SLC24A3: variants seen among roughly 807,000 people sequenced by gnomAD.
The protein encoded by SLC24A3 is solute carrier family 24 member 3.
A neutral mutation model predicts 75.8 loss-of-function variants in SLC24A3; 28 were observed. The ratio of observed to expected loss-of-function variants is 0.37; its 90% CI spans 0.27 to 0.51. The LOEUF (loss-of-function observed/expected upper bound fraction) is 0.51, where lower values mean the gene tolerates loss of function less well. Ranked by LOEUF, SLC24A3 falls within the 20% of genes least tolerant of loss-of-function variation. The pLI is 0.94. For synonymous variants in SLC24A3, 372 were observed against 334.1 expected (o/e 1.11, Z -1.24); for missense variants, 663 against 847.8 (o/e 0.78, Z 2.71).
chr20:19,334,807 C>T (rs892583068), intron 2 of SLC24A3, among the ~76,000 whole-genome samples: 1 of 152,194 alleles, frequency 6.6e-6, no homozygotes. Flanking sequence ...TCCCACCTGC[C>T]ATTCGCTGAG....
At chr20:19,473,441 G>A (rs1354832751) in intron 2 of SLC24A3, among the ~76,000 whole-genome samples, 1 of 152,250 alleles carries the variant, frequency 6.6e-6, no homozygotes, top group Non-Finnish European at 1.5e-5. Context: ...TAGTGGTGGT[G>A]GCGGTGGTAA....
At chr20:19,579,708 G>A (rs2031191860) in intron 3 of SLC24A3, among the ~76,000 whole-genome samples, 1 of 152,214 alleles carries the variant, frequency 6.6e-6, no homozygotes, top group African/African-American at 2.4e-5. Flanking sequence ...GGATATCTTG[G>A]GGCAGAGTGT....
At chr20:19,524,043 G>T (rs1053946175) in intron 3 of SLC24A3, among the ~76,000 whole-genome samples, 13 of 152,204 alleles carry the variant, frequency 8.5e-5, no homozygotes, top group Admixed American at 3.3e-4. Context: ...GTTCCCTCTC[G>T]CTTCAGCTGG....
chr20:19,263,504 TGA>T (rs1468694649), intron 1 of SLC24A3, among the ~76,000 whole-genome samples: 19 of 152,134 alleles, frequency 1.2e-4, no homozygotes, highest in Non-Finnish European at 4.4e-5. Context: ...GGGATGAGAG[TGA>T]GAGAGGCGTT....
At chr20:19,655,970 T>TG (rs1261718352) in intron 7 of SLC24A3, among the ~76,000 whole-genome samples, 1 of 152,166 alleles carries the variant, frequency 6.6e-6, no homozygotes, top group African/African-American at 2.4e-5. Context: ...CAGCCCTCAC[T>TG]GGCTCTCATG....
intron 2 of SLC24A3, among the ~76,000 whole-genome samples, chr20:19,410,576 G>T (rs1413023673): frequency 1.3e-5 from 2 of 152,086 alleles, no homozygotes; most frequent in Non-Finnish European, 2.9e-5. Context: ...CTTCATCCCT[G>T]GTTGGGTTGA....
Position 19,695,594 on chromosome 20 carries a change from G to A in SLC24A3, c.1492-1203G>A, listed in dbSNP as rs181106411. 3.3e-5 allele frequency: 5 copies of A among 152,304 alleles called. No individual in the cohort carries two copies. In the East Asian group the frequency reaches 7.7e-4, roughly 24 times the overall value. 9.4% of individuals were successfully genotyped at this position (152,304 alleles called of 1,614,324 possible). On this transcript the variant is annotated intron_variant, in intron 13 of 16. Coordinates refer to ENST00000328041, the MANE Select transcript of SLC24A3 (RefSeq NM_020689.4). ...TGTGTGATGGAAGTGACGAAGTCCTGACTTTAGTGTATCCATGACTGAAAT... is the reference window on the plus strand; with the variant it reads ...TGTGTGATGGAAGTGACGAAGTCCTAACTTTAGTGTATCCATGACTGAAAT...
At chr20:19,656,150 T>G (rs758753236) in intron 7 of SLC24A3, among the ~76,000 whole-genome samples, 1 of 152,250 alleles carries the variant, frequency 6.6e-6, no homozygotes, top group Non-Finnish European at 1.5e-5. Context: ...AGATTTTCCC[T>G]GCGGAACCAG....
chr20:19,698,798 AG>A, intron 15 of SLC24A3, 118 bp downstream of exon 15: 1 of 751,764 alleles, frequency 1.3e-6, no homozygotes, highest in Non-Finnish European at 2.2e-6. Context: ...CGTAATATTG[AG>A]GGGGAAACAA....
At chr20:19,442,767 C>T (rs1987317211) in intron 2 of SLC24A3, among the ~76,000 whole-genome samples, 1 of 152,052 alleles carries the variant, frequency 6.6e-6, no homozygotes, top group African/African-American at 2.4e-5. Context: ...AAATCATCAC[C>T]AAACCCAAGG....
intron 2 of SLC24A3, among the ~76,000 whole-genome samples, chr20:19,296,586 C>T (rs1984065726): frequency 1.3e-5 from 2 of 151,288 alleles, no homozygotes; most frequent in East Asian, 2.0e-4. Flanking sequence ...ACAGGAGCAC[C>T]CAGATTCATA....
At chr20:19,581,329 G>A (rs569634718) in intron 4 of SLC24A3, among the ~76,000 whole-genome samples, 5 of 152,132 alleles carry the variant, frequency 3.3e-5, no homozygotes, top group Non-Finnish European at 7.4e-5. Flanking sequence ...TTCATGCAGA[G>A]CAAAACAACT....
At chr20:19,471,361 T>C (rs1167847179) in intron 2 of SLC24A3, among the ~76,000 whole-genome samples, 3 of 152,200 alleles carry the variant, frequency 2.0e-5, no homozygotes, top group Non-Finnish European at 2.9e-5. Context: ...TTAACGAATA[T>C]ACTATCAAAA....
chr20:19,495,149 T>G (rs1410205793), intron 2 of SLC24A3, among the ~76,000 whole-genome samples: 2 of 152,170 alleles, frequency 1.3e-5, no homozygotes, highest in Non-Finnish European at 2.9e-5. Context: ...CATTTCTGGG[T>G]GAGGTTGCAT....
At chr20:19,409,784 T>C (rs1986711707) in intron 2 of SLC24A3, among the ~76,000 whole-genome samples, 1 of 151,928 alleles carries the variant, frequency 6.6e-6, no homozygotes, top group South Asian at 2.1e-4. Context: ...TAAAAAACTA[T>C]ACACAGTTAT....
chr20:19,542,352 C>T (rs2030514321), intron 3 of SLC24A3, among the ~76,000 whole-genome samples: 1 of 152,202 alleles, frequency 6.6e-6, no homozygotes, highest in South Asian at 2.1e-4. Context: ...TCTGGACTTC[C>T]TCTTCATTAG....
chr20:19,624,900 C>G (rs1489682086), intron 6 of SLC24A3, among the ~76,000 whole-genome samples: 1 of 152,106 alleles, frequency 6.6e-6, no homozygotes, highest in East Asian at 1.9e-4. Flanking sequence ...CTTAAAACAA[C>G]AAATTTTATA....
chr20:19,482,847 C>G (rs761221), intron 2 of SLC24A3, among the ~76,000 whole-genome samples: 1 of 152,054 alleles, frequency 6.6e-6, no homozygotes, highest in East Asian at 1.9e-4. Context: ...CACAAGCACA[C>G]GGTTCAGTCA....
chr20:19,463,807 T>A (rs1246613100), intron 2 of SLC24A3, among the ~76,000 whole-genome samples: 1 of 152,210 alleles, frequency 6.6e-6, no homozygotes, highest in Non-Finnish European at 1.5e-5. Context: ...GGGCTCCCCC[T>A]GGCTAGGCTG....
Sources: allele counts gnomAD v4.1 joint callset (sites outside exome capture counted in the v4.1 genomes callset), GRCh38; gene constraint gnomAD v4.1.1; transcripts MANE v1.5; gene names NCBI Gene and HGNC (gene_info 2026-07-23, HGNC 2026-07-21).